DDX54: variants seen among roughly 807,000 people sequenced by gnomAD.
DDX54 encodes the protein ATP-dependent RNA helicase DDX54.
DDX54 carries 67 observed loss-of-function variants against 105.5 expected under a neutral mutation model. The ratio of observed to expected loss-of-function variants is 0.64; its 90% CI spans 0.52 to 0.78. The LOEUF is 0.78. DDX54 is among the 30% of genes least tolerant of loss of function. The pLI is 0.00. For missense variants in DDX54, 1,206 were observed against 1,230.5 expected (o/e 0.98, Z 0.30); for synonymous variants, 514 against 509.9 (o/e 1.01, Z -0.11).
At position 113,174,705 on chromosome 12, in the gene DDX54, C is replaced by T. The variant is rs756827516; in HGVS notation, c.1003G>A (p.Val335Met). Residue 335 changes from valine to methionine, a missense_variant, in exon 10 of 20, where the codon GTG (valine) becomes ATG (methionine). Physicochemically the swap from Val to Met is conservative, Grantham distance 21. Around this residue, in one of 3 missense-constraint regions of DDX54, gnomAD observed 961 missense variants for 1,019.1 expected, o/e 0.94. Transcript: ENST00000306014. Reference sequence around the variant, plus strand: ...ACCACGGTCTGGTCCTGGGGCCGCACCACGTTGTGCAGCAGGTGGAGCAGC... The same window carrying T: ...ACCACGGTCTGGTCCTGGGGCCGCATCACGTTGTGCAGCAGGTGGAGCAGC... ...AVLLHLLHNV[V>M]RPQDQTVVFV... 48 of 1,609,166 alleles carry T rather than the reference C, an allele frequency of 3.0e-5. No individual in the cohort carries two copies. The highest frequency in any genetic ancestry group is 4.1e-5 in the Non-Finnish European group (48 of 1,175,930).
At chr12:113,168,607 T>C (rs1173950542) in intron 12 of DDX54, among the ~76,000 whole-genome samples, 1 of 152,238 alleles carries the variant, frequency 6.6e-6, no homozygotes, top group African/African-American at 2.4e-5. Context: ...GTCTGTCCCA[T>C]GCATTCCCAT....
intron 14 of DDX54, among the ~76,000 whole-genome samples, chr12:113,164,991 C>T (rs1952255225): frequency 1.3e-5 from 2 of 152,224 alleles, no homozygotes; most frequent in South Asian, 2.1e-4. Flanking sequence ...TGCACCACTG[C>T]ACTCCAGCCT....
At chr12:113,170,866 G>A (rs994050352) in intron 11 of DDX54, among the ~76,000 whole-genome samples, 6 of 152,016 alleles carry the variant, frequency 3.9e-5, no homozygotes, top group African/African-American at 1.2e-4. Context: ...AAAAACATTC[G>A]TGATGTATGG....
chr12:113,176,823 T>C lies in DDX54; in HGVS notation c.752+17A>G. 6 of 1,613,594 alleles carry C rather than the reference T, an allele frequency of 3.7e-6. No individual in the cohort carries two copies. The highest frequency in any genetic ancestry group is 5.1e-6 in the Non-Finnish European group (6 of 1,179,672). ...CAGTTCAGACACAAGTGCTCAGGGC[T>C]GGACCTGCAGCCTTACCGGTCAGCT... On this transcript the variant is annotated intron_variant, in intron 7 of 19. Coordinates refer to ENST00000306014, the MANE Select transcript of DDX54 (RefSeq NM_024072.4).
At position 113,175,120 on chromosome 12, in the gene DDX54, T is replaced by A. The variant is rs769870069; in HGVS notation, c.790A>T (p.Ile264Phe). 8.7e-6 allele frequency: 14 copies of A among 1,613,312 alleles called. No homozygotes were observed. Among genetic ancestry groups the A allele is most frequent in the Non-Finnish European group, 1.0e-5 (12 of 1,179,890 alleles). Reference protein sequence around the residue: ...EMGFAEQLQEIIARLPGGHQT... With the variant: ...EMGFAEQLQEFIARLPGGHQT... ...TGGCCCCCGGGGAGGCGGGCGATGA[T>A]CTCCTGCAGCTGCTCTGCGAAACCC... Residue 264 changes from isoleucine to phenylalanine, a missense_variant, in exon 8 of 20, where the codon ATC (isoleucine) becomes TTC (phenylalanine). Coordinates refer to ENST00000306014, the MANE Select transcript of DDX54 (RefSeq NM_024072.4).
At position 113,172,368 on chromosome 12, in the gene DDX54, A is replaced by G; in HGVS notation, c.1264T>C (p.Phe422Leu). 2 of 1,614,100 alleles carry G rather than the reference A, an allele frequency of 1.2e-6. No homozygotes were observed. The highest frequency in any genetic ancestry group is 1.7e-5 in the Admixed American group (1 of 60,022). ...NYSFPAKGKLFLHRVGRVARA... is the reference protein window; with the variant it reads ...NYSFPAKGKLLLHRVGRVARA... ...GGCTGCTTACCCACGCGGTGCAGGAAGAGTTTGCCCTTGGCGGGGAAGCTG... is the reference window on the plus strand; with the variant it reads ...GGCTGCTTACCCACGCGGTGCAGGAGGAGTTTGCCCTTGGCGGGGAAGCTG... Residue 422 changes from phenylalanine (F) to leucine (L), a missense_variant, in exon 11 of 20, where the codon TTC (phenylalanine) becomes CTC (leucine). This residue lies in a region of DDX54 where 961 missense variants were observed against 1,019.1 expected (regional missense o/e 0.94). Transcript: ENST00000306014.
In DDX54 at chr12:113,157,526, T is replaced by TC; in HGVS notation, c.*1350dup. The TC allele has an allele frequency of 1.6e-6, 2 of 1,238,436 alleles. No homozygotes were observed. The highest frequency in any genetic ancestry group is 1.3e-5 in the South Asian group (1 of 77,574). 76.7% of individuals were successfully genotyped at this position (1,238,436 alleles called of 1,614,324 possible). A position where few individuals can be genotyped will look rare whatever the true frequency, so the allele number is the denominator to read the frequency against. On this transcript the variant is annotated 3_prime_UTR_variant, in exon 20 of 20. Coordinates refer to ENST00000306014, the MANE Select transcript of DDX54 (RefSeq NM_024072.4). ...CCAGTCCCCGCCCTACCTTTCGGCC[T>TC]CCCCCGCGTGTTGAGGGGTGGGGGC...
intron 6 of DDX54, 21 bp downstream of exon 6, chr12:113,177,031 A>G (rs1270156211): frequency 1.2e-6 from 2 of 1,614,072 alleles, no homozygotes; most frequent in Non-Finnish European, 1.7e-6. Context: ...TCAGGGAGTC[A>G]TCCCCAATCC....
At chr12:113,170,881 G>A (rs972837108) in intron 11 of DDX54, among the ~76,000 whole-genome samples, 1 of 152,114 alleles carries the variant, frequency 6.6e-6, no homozygotes. Context: ...GTATGGTGAT[G>A]TAAAAAGAAA....
At position 113,179,208 on chromosome 12, in the gene DDX54, C is replaced by A. The variant is rs1952438785; in HGVS notation, c.499G>T (p.Ala167Ser). ...GTCGGCGAGAGGATGAGGGCGCGGG[C>A]CCCGGTCTGGGCACTGTGGGTCTTG... ...RLKTHSAQTG[A>S]RALILSPTRE... Residue 167 changes from alanine to serine, a missense_variant, in exon 4 of 20, where the codon GCC (alanine) becomes TCC (serine). By Grantham distance (99) the Ala-to-Ser change is moderately conservative. Transcript: ENST00000306014. 3 of 1,614,092 alleles carry A rather than the reference C, an allele frequency of 1.9e-6. No individual in the cohort carries two copies. The highest frequency in any genetic ancestry group is 1.7e-6 in the Non-Finnish European group (2 of 1,180,002).
At chr12:113,161,471 A>G in intron 18 of DDX54, 89 bp from the exon 19 acceptor site, 1 of 1,056,158 alleles carries the variant, frequency 9.5e-7, no homozygotes, top group South Asian at 1.5e-5. Context: ...GAGTTCCGTT[A>G]TCCCAGCCGC....
At chr12:113,173,331 T>C (rs1952360266) in intron 10 of DDX54, among the ~76,000 whole-genome samples, 1 of 152,164 alleles carries the variant, frequency 6.6e-6, no homozygotes, top group Non-Finnish European at 1.5e-5. Flanking sequence ...CACTCCAGCC[T>C]GGCCAAAGGA....
In DDX54 at chr12:113,175,021, C is replaced by A. The variant is rs1448172018; in HGVS notation, c.874+15G>T. 6.2e-7 allele frequency: 1 copy of A among 1,613,582 alleles called. No individual in the cohort carries two copies. The highest frequency in any genetic ancestry group is 1.7e-4 in the Middle Eastern group (1 of 6,060). Reference sequence around the variant, plus strand: ...CCTGACCCCCAGCCCCCATCTCCACCCCCAGCTCACGCACCAGCCCGGGCA... The same window carrying A: ...CCTGACCCCCAGCCCCCATCTCCACACCCAGCTCACGCACCAGCCCGGGCA... On this transcript the variant is annotated intron_variant, in intron 8 of 19. Coordinates refer to ENST00000306014, the MANE Select transcript of DDX54 (RefSeq NM_024072.4).
chr12:113,161,427 G>T, intron 18 of DDX54, 45 bp from the exon 19 acceptor site: 2 of 1,503,988 alleles, frequency 1.3e-6, no homozygotes, highest in South Asian at 1.2e-5. Context: ...CCTGGGATGG[G>T]AGAAGGCTCC....
intron 14 of DDX54, among the ~76,000 whole-genome samples, 189 bp from the exon 15 acceptor site, chr12:113,164,474 G>A (rs539661832): frequency 1.3e-5 from 2 of 152,368 alleles, no homozygotes; most frequent in South Asian, 2.1e-4. Context: ...AGCACTTGAG[G>A]AGGCTGAGGC....
chr12:113,172,925 T>A (rs1247028130), intron 10 of DDX54, among the ~76,000 whole-genome samples: 2 of 152,204 alleles, frequency 1.3e-5, no homozygotes, highest in Non-Finnish European at 2.9e-5. Context: ...ATTTTCCTCA[T>A]CTGTACGAAT....
intron 12 of DDX54, among the ~76,000 whole-genome samples, chr12:113,167,623 G>T (rs1264613164): frequency 6.6e-6 from 1 of 152,208 alleles, no homozygotes; most frequent in African/African-American, 2.4e-5. Flanking sequence ...CCCTGCACTG[G>T]GTCAGGAGCC....
chr12:113,164,725 CA>C (rs1195326956), intron 14 of DDX54, among the ~76,000 whole-genome samples: 7 of 144,340 alleles, frequency 4.8e-5, no homozygotes. Flanking sequence ...AAAACAAAAC[CA>C]AACAAAAACA....
At position 113,163,308 on chromosome 12, in the gene DDX54, C is replaced by T. The variant is rs1257976592; in HGVS notation, c.1939-34G>A. 3 of 1,589,966 alleles carry T rather than the reference C, an allele frequency of 1.9e-6. No homozygotes were observed. The highest frequency in any genetic ancestry group is 2.6e-6 in the Non-Finnish European group (3 of 1,170,240). On this transcript the variant is annotated intron_variant, in intron 15 of 19. Coordinates refer to ENST00000306014, the MANE Select transcript of DDX54 (RefSeq NM_024072.4). This position sits in a 1 kb window ranked among gnomAD's most constrained non-coding sequence, Gnocchi z 5.9. ...GCACAGACCAAGGCCCAGTGTCATG[C>T]CTGCTGCCCCCTGGGGACTTCCCCC...
Sources: gnomAD v4.1 joint callset for allele counts (sites outside exome capture counted in the v4.1 genomes callset) on GRCh38, gnomAD v4.1.1 for gene constraint, gnomAD v4.1.1 regional missense constraint, Gnocchi (gnomAD v3.1) non-coding constraint, MANE v1.5 for transcripts, NCBI Gene and HGNC (gene_info 2026-07-23, HGNC 2026-07-21) for gene names.